Variants in BMP7 observed in about 807,000 individuals in gnomAD.
BMP7 encodes bone morphogenetic protein 7.
A neutral mutation model predicts 41.2 loss-of-function variants in BMP7; 12 were observed. That is an observed-to-expected ratio of 0.29 (90% CI 0.19 to 0.47). BMP7 has a LOEUF of 0.47. Among genes scored for constraint, BMP7 ranks in the 20% least tolerant of loss-of-function variants. BMP7 has a pLI of 0.99. For missense variants in BMP7, 467 were observed against 606.0 expected (o/e 0.77, Z 2.41); for synonymous variants, 248 against 250.0 (o/e 0.99, Z 0.07).
Position 57,183,746 on chromosome 20 carries a change from C to A in BMP7, c.934G>T (p.Ala312Ser), listed in dbSNP as rs750659557. Reference sequence around the variant, plus strand: ...CCTGCCACGTTGGCCATCCGCAGGGCTTCCTGGTTCTTGGGCGTCTTGGAG... The same window carrying A: ...CCTGCCACGTTGGCCATCCGCAGGGATTCCTGGTTCTTGGGCGTCTTGGAG... ...NRSKTPKNQE[A>S]LRMANVAENS... Residue 312 changes from alanine to serine, a missense_variant, in exon 4 of 7, where the codon GCC (alanine) becomes TCC (serine). Physicochemically the swap from Ala to Ser is moderately conservative, Grantham distance 99 (BLOSUM62 1). Coordinates refer to ENST00000395863, the MANE Select transcript of BMP7 (RefSeq NM_001719.3). The A allele has an allele frequency of 6.2e-7, 1 of 1,614,022 alleles. No homozygotes were observed.
chr20:57,191,637 C>T (rs1984359835), intron 3 of BMP7, among the ~76,000 whole-genome samples: 1 of 151,212 alleles, frequency 6.6e-6, no homozygotes, highest in Admixed American at 6.6e-5. Context: ...GGCTGAGGCA[C>T]AAGAATCGCT....
At chr20:57,251,691 T>A (rs963315391) in intron 1 of BMP7, among the ~76,000 whole-genome samples, 2 of 152,172 alleles carry the variant, frequency 1.3e-5, no homozygotes, top group African/African-American at 2.4e-5. Context: ...CCCAGTACTT[T>A]GGGAGGCCGA....
At chr20:57,254,202 T>C (rs2066125301) in intron 1 of BMP7, among the ~76,000 whole-genome samples, 2 of 151,948 alleles carry the variant, frequency 1.3e-5, no homozygotes, top group Non-Finnish European at 2.9e-5. Context: ...TTTGTATTTT[T>C]AGTAGAAACG....
chr20:57,204,458 A>G (rs1984689596), intron 2 of BMP7, among the ~76,000 whole-genome samples: 1 of 152,274 alleles, frequency 6.6e-6, no homozygotes, highest in Non-Finnish European at 1.5e-5. Context: ...CTGTAATGTT[A>G]GCAAGTATTG....
intron 1 of BMP7, among the ~76,000 whole-genome samples, chr20:57,234,098 T>C (rs1268639178): frequency 6.6e-6 from 1 of 151,846 alleles, no homozygotes; most frequent in Non-Finnish European, 1.5e-5. Flanking sequence ...CTCCCATCCC[T>C]CGTGTATCTG....
Position 57,265,910 on chromosome 20 carries a change from G to A in BMP7, c.213C>T (p.His71=), listed in dbSNP as rs779479867. ...ILGLPHRPRP[H]LQGKHNSAPM... is the part of the protein sequence containing the mutation. ...GTGCCGAGTTGTGCTTGCCCTGGAG[G>A]TGCGGGCGCGGGCGGTGGGGCAAGC... The change falls in exon 1 of 7, where the codon CAC becomes CAT. Residue 71 remains histidine, a synonymous_variant. Transcript: ENST00000395863. 6.3e-6 allele frequency: 10 copies of A among 1,579,890 alleles called. No individual in the cohort carries two copies. The East Asian group carries it at 1.6e-4, about 26-fold the overall frequency.
At position 57,234,412 on chromosome 20, in the gene BMP7, A is replaced by G. The variant is rs558178337; in HGVS notation, c.419-5991T>C. Among the ~76,000 whole-genome samples, 64 of 152,320 alleles carry G rather than the reference A, an allele frequency of 4.2e-4. 1 individual carries two copies. The highest frequency in any genetic ancestry group is 2.5e-3 in the Admixed American group (38 of 15,306). ...TCCAAGCACGGAGGACTGAGGTTGG[A>G]ATTGAGGAGAGAGACCTGCTGGGTT... On this transcript the variant is annotated intron_variant, in intron 1 of 6. Transcript: ENST00000395863.
chr20:57,222,960 T>G (rs1298780742), intron 2 of BMP7, among the ~76,000 whole-genome samples: 1 of 151,988 alleles, frequency 6.6e-6, no homozygotes, highest in Non-Finnish European at 1.5e-5. Context: ...GACTACACTT[T>G]GGGCTCAGTC....
At chr20:57,210,751 C>A (rs151220375) in intron 2 of BMP7, among the ~76,000 whole-genome samples, 3 of 152,258 alleles carry the variant, frequency 2.0e-5, no homozygotes, top group African/African-American at 7.2e-5. Flanking sequence ...ATCCTGTCTG[C>A]GCCCACCATC....
chr20:57,253,125 T>C (rs914244204), intron 1 of BMP7, among the ~76,000 whole-genome samples: 1 of 152,164 alleles, frequency 6.6e-6, no homozygotes, highest in Admixed American at 6.5e-5. Flanking sequence ...TATATTAAGA[T>C]AATTAGGAGC....
chr20:57,234,714 T>C (rs1464657699), intron 1 of BMP7, among the ~76,000 whole-genome samples: 3 of 152,170 alleles, frequency 2.0e-5, no homozygotes, highest in Non-Finnish European at 4.4e-5. Flanking sequence ...CAGACTTGGA[T>C]CATTCCCAAA....
chr20:57,220,286 CT>C (rs1957946378), intron 2 of BMP7, among the ~76,000 whole-genome samples: 1 of 152,210 alleles, frequency 6.6e-6, no homozygotes, highest in Non-Finnish European at 1.5e-5. Flanking sequence ...TGGTTGTCTC[CT>C]TTAAAACATC....
rs180729944 is a variant in BMP7, at chr20:57,198,012, C to T, written c.760+4463G>A. On this transcript the variant is annotated intron_variant, in intron 3 of 6. Coordinates refer to ENST00000395863, the MANE Select transcript of BMP7 (RefSeq NM_001719.3). ...CCTTAAGGCCACAAGGTGGGAGGAGCCCCGAGCTGCAGGATTCCCTCCACT... is the reference window on the plus strand; with the variant it reads ...CCTTAAGGCCACAAGGTGGGAGGAGTCCCGAGCTGCAGGATTCCCTCCACT... 8.1e-4 allele frequency among the ~76,000 whole-genome samples: 123 copies of T among 152,242 alleles called. 1 individual carries two copies. The highest frequency in any genetic ancestry group is 8.8e-4 in the Non-Finnish European group (60 of 68,004).
intron 1 of BMP7, among the ~76,000 whole-genome samples, chr20:57,238,460 A>T (rs939376068): frequency 1.3e-5 from 2 of 152,152 alleles, no homozygotes; most frequent in Admixed American, 6.5e-5. Flanking sequence ...TCTTTCAGGG[A>T]CATACCCAGA....
At position 57,181,856 on chromosome 20, in the gene BMP7, G is replaced by A. The variant is rs186793980; in HGVS notation, c.958+1866C>T. Among the ~76,000 whole-genome samples, 18 of 152,368 alleles carry A rather than the reference G, an allele frequency of 1.2e-4. No individual in the cohort carries two copies. In the East Asian group the frequency reaches 3.1e-3, roughly 26 times the overall value. The stretch of plus-strand genomic sequence containing the variant: ...GACCACCCTGCTACACAGAGCCCGC[G>A]TATTGGAAGGCCAGCTGATTAGCAC... On this transcript the variant is annotated intron_variant, in intron 4 of 6. Coordinates refer to ENST00000395863, the MANE Select transcript of BMP7 (RefSeq NM_001719.3).
At chr20:57,173,072 C>T (rs1315768770) in intron 6 of BMP7, 128 bp downstream of exon 6, 9 of 973,702 alleles carry the variant, frequency 9.2e-6, no homozygotes, top group South Asian at 1.4e-5. Flanking sequence ...GCGCAAGGGG[C>T]CCCCAAAAGT....
intron 2 of BMP7, among the ~76,000 whole-genome samples, chr20:57,222,323 G>A (rs2123111464): frequency 6.6e-6 from 1 of 152,286 alleles, no homozygotes; most frequent in East Asian, 1.9e-4. Context: ...CCCACCAGAT[G>A]GCCTCAGGCC....
intron 1 of BMP7, among the ~76,000 whole-genome samples, chr20:57,256,926 CT>C (rs1158372414): frequency 1.3e-4 from 19 of 151,972 alleles, no homozygotes; most frequent in African/African-American, 3.6e-4. Context: ...TGTATAACTA[CT>C]AGTTAGGATC....
intron 3 of BMP7, among the ~76,000 whole-genome samples, chr20:57,185,577 A>G (rs1368897285): frequency 6.6e-6 from 1 of 152,234 alleles, no homozygotes; most frequent in Admixed American, 6.5e-5. Context: ...TTTAGCAGAT[A>G]TTGTATGAAA....
Sources: allele counts gnomAD v4.1 joint callset (sites outside exome capture counted in the v4.1 genomes callset), GRCh38; gene constraint gnomAD v4.1.1; transcripts MANE v1.5; gene names NCBI Gene and HGNC (gene_info 2026-07-23, HGNC 2026-07-21).